THNSL1: variants seen among roughly 807,000 people sequenced by gnomAD.
The protein encoded by THNSL1 is threonine synthase-like 1.
Under a neutral mutation model 50.4 loss-of-function variants are expected in THNSL1, and 48 were observed. The ratio of observed to expected loss-of-function variants is 0.95; its 90% CI spans 0.76 to 1.21. THNSL1 has a LOEUF of 1.21. Ranked by LOEUF, THNSL1 falls within the 50% of genes most tolerant of loss-of-function variation. The pLI, the probability that THNSL1 is intolerant of heterozygous loss-of-function variation, is 0.00. For missense variants in THNSL1, 896 were observed against 871.7 expected, an observed-to-expected ratio of 1.03 and a Z score of -0.35; for synonymous variants, 309 against 306.1, an observed-to-expected ratio of 1.01 and a Z score of -0.10.
At chr10:24,981,381 T>C in the THNSL1 span, among the ~76,000 whole-genome samples, 6 of 152,344 alleles carry the variant, frequency 3.9e-5, no homozygotes, top group African/African-American at 1.4e-4. Flanking sequence ...TTAGGAAGTA[T>C]TGCCAAATTT....
At chr10:24,984,370 T>C in the THNSL1 span, 3 of 1,572,508 alleles carry the variant, frequency 1.9e-6, no homozygotes, top group Non-Finnish European at 2.6e-6. Context: ...GCTGTTGGTA[T>C]CATGCGCTGC....
At chr10:24,959,870 A>G in the THNSL1 span, among the ~76,000 whole-genome samples, 1 of 152,240 alleles carries the variant, frequency 6.6e-6, no homozygotes, top group Non-Finnish European at 1.5e-5. Flanking sequence ...TTGTGCATAG[A>G]TATTTTCTCT....
intron 1 of THNSL1, 72 bp from the exon 2 acceptor site, chr10:25,021,670 A>G (rs1850721917): frequency 6.6e-6 from 1 of 152,220 alleles, no homozygotes; most frequent in South Asian, 2.1e-4. Context: ...TTCAAATAAT[A>G]GACTAGTCTA....
the THNSL1 span, among the ~76,000 whole-genome samples, chr10:24,968,763 T>G: frequency 1.3e-4 from 20 of 152,380 alleles, no homozygotes; most frequent in African/African-American, 4.6e-4. Context: ...TAATTTCACC[T>G]AGGTATTCTG....
chr10:24,993,097 C>T, the THNSL1 span, among the ~76,000 whole-genome samples: 1 of 152,104 alleles, frequency 6.6e-6, no homozygotes, highest in African/African-American at 2.4e-5. Context: ...AGTTCAAGAC[C>T]AGCCTGGGCA....
At chr10:24,967,995 ATGTGTGTGTGTGTG>A in the THNSL1 span, among the ~76,000 whole-genome samples, 8 of 139,678 alleles carry the variant, frequency 5.7e-5, no homozygotes, top group East Asian at 8.7e-4. Context: ...TATGTGTATG[ATGTGTGTGTGTGTG>A]TGTGTGTGTG....
chr10:24,978,380 C>T, the THNSL1 span, among the ~76,000 whole-genome samples: 10 of 150,742 alleles, frequency 6.6e-5, no homozygotes, highest in African/African-American at 2.2e-4. Context: ...CATGTCATTC[C>T]TTTTTTTTTA....
At chr10:24,999,187 A>G in the THNSL1 span, among the ~76,000 whole-genome samples, 1 of 152,178 alleles carries the variant, frequency 6.6e-6, no homozygotes, top group Non-Finnish European at 1.5e-5. Context: ...GATAGTCCAA[A>G]CCCAATCTAA....
At chr10:24,987,003 C>A in the THNSL1 span, among the ~76,000 whole-genome samples, 107 of 152,184 alleles carry the variant, frequency 7.0e-4, no homozygotes, top group East Asian at 2.9e-3. Flanking sequence ...CCTTTTGCAC[C>A]CTCGCCCACC....
At chr10:24,997,749 C>A in the THNSL1 span, among the ~76,000 whole-genome samples, 1 of 151,248 alleles carries the variant, frequency 6.6e-6, no homozygotes, top group East Asian at 1.9e-4. Context: ...TTGCTTTTGC[C>A]TTACAATGTT....
chr10:25,012,157 G>A (rs528450033), upstream of THNSL1, among the ~76,000 whole-genome samples: 43 of 152,358 alleles, frequency 2.8e-4, no homozygotes, highest in Non-Finnish European at 5.3e-4. Context: ...CAAGAATTGA[G>A]GTTTGGGAAC....
the THNSL1 span, among the ~76,000 whole-genome samples, chr10:24,980,836 C>A: frequency 2.6e-5 from 4 of 152,116 alleles, no homozygotes; most frequent in Non-Finnish European, 5.9e-5. Flanking sequence ...CCTGCCTCAG[C>A]CTCCTGAGTA....
In THNSL1 at chr10:25,023,240, G is replaced by C; in HGVS notation, c.17G>C (p.Arg6Pro). 1 of 1,611,900 alleles carries C rather than the reference G, an allele frequency of 6.2e-7. No individual in the cohort carries two copies. Among genetic ancestry groups the C allele is most frequent in the South Asian group, 1.1e-5 (1 of 90,788 alleles). Residue 6 changes from arginine (R) to proline (P), a missense_variant, in exon 3 of 3, where the codon CGA becomes CCA. Transcript: ENST00000376356. ...GAAAAGAGAATGCTCCACTTTAACC[G>C]ATGTCATCATCTGAAAAAGATAACA... The part of the protein sequence containing the change: MLHFN[R>P]CHHLKKITQK...
chr10:24,952,471 G>A, the THNSL1 span: 1 of 1,520,786 alleles, frequency 6.6e-7, no homozygotes, highest in Non-Finnish European at 8.9e-7. The surrounding 1 kb of genome is among the most constrained non-coding windows in gnomAD (Gnocchi z 5.1). Context: ...TCTACAAGCA[G>A]GGTGCCAGGG....
Position 25,024,965 on chromosome 10 carries a change from A to G in THNSL1, c.1742A>G (p.Asn581Ser). The G allele has an allele frequency of 5.0e-6, 8 of 1,614,178 alleles. No homozygotes were observed. Among genetic ancestry groups the G allele is most frequent in the Non-Finnish European group, 6.8e-6 (8 of 1,180,038 alleles). The change falls in exon 3 of 3, where the codon AAT becomes AGT. Residue 581 changes from asparagine (N) to serine (S), a missense_variant. By Grantham distance (46) the Asn-to-Ser change is conservative (BLOSUM62 1). Coordinates refer to ENST00000376356, the MANE Select transcript of THNSL1 (RefSeq NM_024838.5). ...NLERHLHLMA[N>S]KDGQLMTELF... is the part of the protein sequence containing the mutation. ...GAACGACATTTACACTTGATGGCTA[A>G]TAAAGATGGACAGCTAATGACAGAA...
At position 25,023,878 on chromosome 10, in the gene THNSL1, G is replaced by C; in HGVS notation, c.655G>C (p.Ala219Pro). The C allele has an allele frequency of 6.2e-7, 1 of 1,614,140 alleles. No homozygotes were observed. The highest frequency in any genetic ancestry group is 8.5e-7 in the Non-Finnish European group (1 of 1,180,008). The change falls in exon 3 of 3, where the codon GCA (alanine) becomes CCA (proline). Residue 219 changes from alanine (A) to proline (P), a missense_variant. Physicochemically the swap from Ala to Pro is conservative, Grantham distance 27. Transcript: ENST00000376356. ...GGAGGTAGCTGACAAAGTGCTGAAT[G>C]CAATTAAAAGATACCAAGATGTGGA... ...PEEVADKVLN[A>P]IKRYQDVDSE...
At chr10:24,986,243 A>G in the THNSL1 span, among the ~76,000 whole-genome samples, 1 of 152,200 alleles carries the variant, frequency 6.6e-6, no homozygotes, top group Non-Finnish European at 1.5e-5. Context: ...TTCAGGGACA[A>G]TACAATTTCA....
the THNSL1 span, among the ~76,000 whole-genome samples, chr10:24,978,052 T>C: frequency 6.6e-6 from 1 of 152,208 alleles, no homozygotes; most frequent in Non-Finnish European, 1.5e-5. Flanking sequence ...GAATAAAAAA[T>C]CTACATCTAA....
At chr10:25,016,291 G>T, upstream of THNSL1, 2 of 505,914 alleles carry the variant, frequency 4.0e-6, no homozygotes, top group Non-Finnish European at 5.2e-6. Flanking sequence ...GTTTTTACGT[G>T]CCTTTGAAAG....
Sources: gnomAD v4.1 joint callset for allele counts (sites outside exome capture counted in the v4.1 genomes callset) on GRCh38, gnomAD v4.1.1 for gene constraint, Gnocchi (gnomAD v3.1) non-coding constraint, MANE v1.5 for transcripts, NCBI Gene and HGNC (gene_info 2026-07-23, HGNC 2026-07-21) for gene names.